Variants in MYCBP2 observed in about 807,000 individuals in gnomAD.
MYCBP2 encodes the protein MYC binding protein 2.
In MYCBP2, 120 loss-of-function variants were observed where a neutral mutation model predicts 525.3. The ratio of observed to expected loss-of-function variants is 0.23; its 90% CI spans 0.20 to 0.27. The LOEUF (loss-of-function observed/expected upper bound fraction) is 0.27, where lower values mean the gene tolerates loss of function less well. Ranked by LOEUF, MYCBP2 falls within the 10% of genes least tolerant of loss-of-function variation. MYCBP2 has a pLI of 1.00. For missense variants in MYCBP2, 4,149 were observed against 5,657.1 expected, an observed-to-expected ratio of 0.73 and a Z score of 8.55; for synonymous variants, 1,894 against 1,955.8, an observed-to-expected ratio of 0.97 and a Z score of 0.83.
intron 10 of MYCBP2, among the ~76,000 whole-genome samples, chr13:77,263,233 T>C (rs1002811458): frequency 6.6e-6 from 1 of 152,012 alleles, no homozygotes; most frequent in Non-Finnish European, 1.5e-5. Context: ...TCTATTCAAG[T>C]AAAAACTTTA....
chr13:77,158,175 A>T (rs1332587952), intron 44 of MYCBP2, 66 bp from the exon 45 acceptor site: 14 of 1,078,724 alleles, frequency 1.3e-5, no homozygotes, highest in Non-Finnish European at 1.6e-5. Flanking sequence ...AAAATTTTTC[A>T]ACATGCAGAT....
chr13:77,191,603 G>A (rs1333682880), intron 28 of MYCBP2, 76 bp downstream of exon 28: 2 of 1,511,738 alleles, frequency 1.3e-6, no homozygotes, highest in Non-Finnish European at 9.0e-7. Flanking sequence ...CCTGCTGAAA[G>A]TACTCTGAAT....
chr13:77,300,273 A>AT (rs1024506170), intron 1 of MYCBP2, among the ~76,000 whole-genome samples: 3 of 152,226 alleles, frequency 2.0e-5, no homozygotes, highest in South Asian at 2.1e-4. Context: ...GAATAGGGAA[A>AT]TTTTTTCTGC....
intron 26 of MYCBP2, among the ~76,000 whole-genome samples, chr13:77,202,758 G>C (rs2062788776): frequency 1.3e-5 from 2 of 152,100 alleles, no homozygotes; most frequent in South Asian, 4.1e-4. Flanking sequence ...ATCAATAAAT[G>C]TAATCCAGCA....
intron 4 of MYCBP2, 79 bp downstream of exon 4, chr13:77,278,679 A>G: frequency 8.2e-7 from 1 of 1,218,504 alleles, no homozygotes; most frequent in Middle Eastern, 2.8e-4. Flanking sequence ...TATTCTCTTA[A>G]CAATTTTGAA....
rs1211135862 is a variant in MYCBP2 at position 77,206,569 on chromosome 13, AC to A, written c.3589+83del. On this transcript the variant is annotated intron_variant, in intron 24 of 82. Coordinates refer to ENST00000544440, the MANE Select transcript of MYCBP2 (RefSeq NM_015057.5). ...ATTATTTAACAAACAAGACAGAATT[AC>A]ATATAAATTTAAATACTCTAAAAAA... 4.0e-5 allele frequency: 47 copies of A among 1,173,838 alleles called. No individual in the cohort carries two copies. In the Middle Eastern group the frequency reaches 3.3e-3, roughly 83 times the overall value. The allele number at this position is 1,173,838 out of a possible 1,614,324, so 72.7% of individuals were successfully genotyped here.
At chr13:77,196,291 C>T (rs1394437220) in intron 26 of MYCBP2, among the ~76,000 whole-genome samples, 1 of 152,198 alleles carries the variant, frequency 6.6e-6, no homozygotes, top group Admixed American at 6.5e-5. Context: ...ACAGCCAGTT[C>T]TGATGGGGAC....
chr13:77,217,797 A>G (rs2065027704), intron 21 of MYCBP2, 43 bp downstream of exon 21: 1 of 1,213,604 alleles, frequency 8.2e-7, no homozygotes, highest in Non-Finnish European at 1.2e-6. Context: ...ATTATAAGGC[A>G]ATGGTATAAT....
intron 49 of MYCBP2, among the ~76,000 whole-genome samples, chr13:77,142,540 C>G (rs569250587): frequency 5.9e-5 from 9 of 152,286 alleles, no homozygotes; most frequent in Non-Finnish European, 1.0e-4. Flanking sequence ...CAGGGTTTCC[C>G]AAATATTTTG....
intron 40 of MYCBP2, 71 bp from the exon 41 acceptor site, chr13:77,166,625 T>C (rs1158066702): frequency 2.2e-6 from 2 of 896,124 alleles, no homozygotes; most frequent in African/African-American, 3.3e-5. Flanking sequence ...TGCATCTGTA[T>C]GTGTGTGTGT....
intron 32 of MYCBP2, 35 bp downstream of exon 32, chr13:77,185,068 A>T: frequency 6.3e-7 from 1 of 1,589,636 alleles, no homozygotes; most frequent in Non-Finnish European, 8.6e-7. Flanking sequence ...GCAATATATC[A>T]GATTTTCAAC....
rs770685216 is a variant in MYCBP2 at position 77,177,735 on chromosome 13, G to C, written c.5340+13C>G. The C allele has an allele frequency of 3.8e-6, 6 of 1,591,796 alleles. No homozygotes were observed. The highest frequency in any genetic ancestry group is 5.2e-6 in the Non-Finnish European group (6 of 1,159,750). On this transcript the variant is annotated intron_variant, in intron 35 of 82. Transcript: ENST00000544440. ...CCACTAATCAGGATAAATACTAAAAGGGTGATACTTACATCATCAACCAAC... is the reference window on the plus strand; with the variant it reads ...CCACTAATCAGGATAAATACTAAAACGGTGATACTTACATCATCAACCAAC...
intron 68 of MYCBP2, among the ~76,000 whole-genome samples, chr13:77,072,917 A>G (rs1000253124): frequency 1.3e-5 from 2 of 152,148 alleles, no homozygotes; most frequent in African/African-American, 2.4e-5. Context: ...TAGATTATAT[A>G]TGAGTCTCTT....
chr13:77,245,471 C>T (rs1205899488), intron 15 of MYCBP2, among the ~76,000 whole-genome samples: 1 of 151,954 alleles, frequency 6.6e-6, no homozygotes, highest in Non-Finnish European at 1.5e-5. Context: ...TGAATGAAGG[C>T]TGGAAACCAT....
chr13:77,116,996 T>C (rs1443089281), intron 55 of MYCBP2, among the ~76,000 whole-genome samples: 2 of 152,080 alleles, frequency 1.3e-5, no homozygotes, highest in Non-Finnish European at 2.9e-5. Flanking sequence ...TGAATGAATT[T>C]AAATTTTCTA....
chr13:77,155,221 T>C (rs1172285060), intron 46 of MYCBP2, among the ~76,000 whole-genome samples: 2 of 152,094 alleles, frequency 1.3e-5, no homozygotes, highest in East Asian at 1.9e-4. Context: ...AGATGCTACA[T>C]TGGCATTGTA....
intron 4 of MYCBP2, among the ~76,000 whole-genome samples, chr13:77,275,770 G>A (rs564468370): frequency 1.3e-5 from 2 of 152,178 alleles, no homozygotes; most frequent in Non-Finnish European, 2.9e-5. Context: ...AATCACCTGA[G>A]GTCAGGAGTT....
intron 20 of MYCBP2, among the ~76,000 whole-genome samples, chr13:77,219,474 T>A (rs2065252092): frequency 6.6e-6 from 1 of 150,410 alleles, no homozygotes; most frequent in Admixed American, 6.6e-5. Context: ...TTTTTTTTAA[T>A]GATAAGAGAT....
intron 80 of MYCBP2, among the ~76,000 whole-genome samples, chr13:77,054,431 G>A (rs1484984285): frequency 6.6e-6 from 1 of 151,996 alleles, no homozygotes; most frequent in Non-Finnish European, 1.5e-5. Flanking sequence ...TGTAAGGGAT[G>A]CAACAGAGGA....
Sources: allele counts gnomAD v4.1 joint callset (sites outside exome capture counted in the v4.1 genomes callset), GRCh38; gene constraint gnomAD v4.1.1; transcripts MANE v1.5; gene names NCBI Gene and HGNC (gene_info 2026-07-23, HGNC 2026-07-21).